The following MYOF variants were observed in gnomAD, a reference collection of about 807,000 sequenced individuals.
The protein encoded by MYOF is myoferlin, also known as fer-1-like 3, myoferlin.
In MYOF, 244 loss-of-function variants were observed where a neutral mutation model predicts 284.2. The ratio of observed to expected loss-of-function variants is 0.86; its 90% confidence interval spans 0.77 to 0.95. MYOF has a LOEUF of 0.95. Ranked by LOEUF, MYOF falls within the 40% of genes least tolerant of loss-of-function variation. The probability of loss-of-function intolerance (pLI) is 0.00; values close to 1 mark genes in which losing one functional copy is unlikely to be tolerated. For missense variants in MYOF, 2,496 were observed against 2,560.6 expected (o/e 0.97, Z 0.54); for synonymous variants, 904 against 919.7 (o/e 0.98, Z 0.31).
intron 19 of MYOF, among the ~76,000 whole-genome samples, chr10:93,383,489 A>G (rs779014037): frequency 6.6e-6 from 1 of 152,000 alleles, no homozygotes; most frequent in Non-Finnish European, 1.5e-5. Flanking sequence ...AGCTTAGTCC[A>G]CTGTCACCTT....
chr10:93,344,817 G>A (rs578103026), intron 37 of MYOF, among the ~76,000 whole-genome samples: 13 of 149,162 alleles, frequency 8.7e-5, no homozygotes, highest in Admixed American at 1.3e-4. Context: ...TGAGGTTGCA[G>A]TGGCTTATTC....
At chr10:93,361,702 A>G (rs747297084) in intron 27 of MYOF, 145 bp from the exon 28 acceptor site, 5 of 679,386 alleles carry the variant, frequency 7.4e-6, no homozygotes, top group Non-Finnish European at 1.2e-5. Context: ...ACTCAGAAAA[A>G]TCTCTAATCT....
chr10:93,436,648 C>T (rs1018822529), intron 3 of MYOF, among the ~76,000 whole-genome samples: 5 of 152,102 alleles, frequency 3.3e-5, no homozygotes, highest in Non-Finnish European at 7.3e-5. Context: ...TAAGTCTGAG[C>T]TCTGCAGTGA....
chr10:93,391,349 G>A (rs992579956), intron 17 of MYOF, among the ~76,000 whole-genome samples: 5 of 152,140 alleles, frequency 3.3e-5, no homozygotes, highest in African/African-American at 1.2e-4. Flanking sequence ...CCAGTACTTT[G>A]GGAGGCTGAG....
At chr10:93,440,261 A>G (rs1177369487) in intron 3 of MYOF, among the ~76,000 whole-genome samples, 1 of 152,128 alleles carries the variant, frequency 6.6e-6, no homozygotes, top group African/African-American at 2.4e-5. Flanking sequence ...AAAATAAAAA[A>G]ATTAGTCGGG....
chr10:93,370,146 C>T (rs1335939750), intron 24 of MYOF, among the ~76,000 whole-genome samples: 2 of 152,160 alleles, frequency 1.3e-5, no homozygotes, highest in South Asian at 2.1e-4. Flanking sequence ...GAATCAAGGC[C>T]GGATTGCCAA....
At chr10:93,383,020 C>A (rs1273352111) in intron 19 of MYOF, among the ~76,000 whole-genome samples, 1 of 152,106 alleles carries the variant, frequency 6.6e-6, no homozygotes, top group Admixed American at 6.5e-5. Context: ...CTCAGCCTCC[C>A]AAGTAGCTGG....
At chr10:93,390,191 T>C (rs1234727780) in intron 17 of MYOF, among the ~76,000 whole-genome samples, 1 of 152,154 alleles carries the variant, frequency 6.6e-6, no homozygotes, top group East Asian at 1.9e-4. Context: ...AGCAGCGTCA[T>C]CAGAATGATG....
At chr10:93,417,675 C>G (rs1034925079) in intron 5 of MYOF, among the ~76,000 whole-genome samples, 1 of 152,088 alleles carries the variant, frequency 6.6e-6, no homozygotes, top group Non-Finnish European at 1.5e-5. Context: ...ATTGTCCCCC[C>G]ACCTCCATCA....
chr10:93,473,634 C>G (rs2057198663), intron 1 of MYOF, among the ~76,000 whole-genome samples: 1 of 152,208 alleles, frequency 6.6e-6, no homozygotes, highest in Admixed American at 6.5e-5. Flanking sequence ...GATTCTGGCT[C>G]TTGTGAGGTC....
At chr10:93,376,305 G>A (rs891371680) in intron 22 of MYOF, among the ~76,000 whole-genome samples, 2 of 152,180 alleles carry the variant, frequency 1.3e-5, no homozygotes, top group African/African-American at 4.8e-5. Context: ...GAAGCTGTTA[G>A]TTCAAAAGTC....
At position 93,351,963 on chromosome 10, in the gene MYOF, T is replaced by A. The variant is rs1036748046; in HGVS notation, c.3482-117A>T. ...ATAATGACAGTGGGCTCTGACCACC[T>A]GCCTGGAGATAGGGTTTCTAGGGAG... On this transcript the variant is annotated intron_variant, in intron 32 of 53. Coordinates refer to ENST00000359263, the MANE Select transcript of MYOF (RefSeq NM_013451.4). 10 of 918,542 alleles carry A rather than the reference T, an allele frequency of 1.1e-5. No individual in the cohort carries two copies. In the Admixed American group the frequency reaches 1.9e-4, roughly 17 times the overall value. The allele number at this position is 918,542 out of a possible 1,614,324, so 56.9% of individuals were successfully genotyped here.
In MYOF at chr10:93,406,288, T is replaced by TTTTATATATATATATATATATATATATA. The variant is rs1271223936; in HGVS notation, c.730-2070_730-2069insTATATATATATATATATATATATATAAA. On this transcript the variant is annotated intron_variant, in intron 7 of 53. Transcript: ENST00000359263. ...TAGAAATTTTTTTAGTAAACCTCTTTTATATATATATATATATATATATAT... is the reference window on the plus strand; with the variant it reads ...TAGAAATTTTTTTAGTAAACCTCTTTTTTATATATATATATATATATATATATATATATATATATATATATATATATAT... 5.0e-4 allele frequency among the ~76,000 whole-genome samples: 29 copies of TTTTATATATATATATATATATATATATA among 58,144 alleles called. 1 individual carries two copies. Among genetic ancestry groups the TTTTATATATATATATATATATATATATA allele is most frequent in the Non-Finnish European group, 5.1e-4 (12 of 23,424 alleles). The allele number at this position is 58,144 out of a possible 152,430, so 38.1% of individuals were successfully genotyped here. A position where few individuals can be genotyped will look rare whatever the true frequency, so the allele number is the denominator to read the frequency against.
At chr10:93,475,329 C>T (rs372822112) in intron 1 of MYOF, among the ~76,000 whole-genome samples, 1 of 152,188 alleles carries the variant, frequency 6.6e-6, no homozygotes, top group East Asian at 1.9e-4. Context: ...CTATATACTA[C>T]GTTTCATGTA....
At chr10:93,328,554 G>A (rs771819097) in intron 45 of MYOF, among the ~76,000 whole-genome samples, 1 of 152,174 alleles carries the variant, frequency 6.6e-6, no homozygotes, top group African/African-American at 2.4e-5. Flanking sequence ...AATCTAAAAA[G>A]GGCAAGTGAA....
In MYOF at chr10:93,355,367, G is replaced by A. The variant is rs1460893188; in HGVS notation, c.3403+261C>T. Among the ~76,000 whole-genome samples, 9 of 152,230 alleles carry A rather than the reference G, an allele frequency of 5.9e-5. No individual in the cohort carries two copies. In the East Asian group the frequency reaches 1.7e-3, roughly 29 times the overall value. On this transcript the variant is annotated intron_variant, in intron 31 of 53. Transcript: ENST00000359263. ...CCAGCACTTTGGTAGGCCAAGGCGG[G>A]TGGATCACCTGAGGTCAGGAGGTCG...
At chr10:93,475,015 C>G (rs912253347) in intron 1 of MYOF, among the ~76,000 whole-genome samples, 1 of 152,174 alleles carries the variant, frequency 6.6e-6, no homozygotes, top group Non-Finnish European at 1.5e-5. Flanking sequence ...TCCCAAAGTA[C>G]TGGGATTACA....
rs553218643 is a variant in MYOF at position 93,456,973 on chromosome 10, T to C, written c.89-36A>G. 9.8e-6 allele frequency: 15 copies of C among 1,528,256 alleles called. No individual in the cohort carries two copies. The South Asian group carries it at 1.6e-4, about 17-fold the overall frequency. The allele number at this position is 1,528,256 out of a possible 1,614,324, so 94.7% of individuals were successfully genotyped here. A position where few individuals can be genotyped will look rare whatever the true frequency, so the allele number is the denominator to read the frequency against. On this transcript the variant is annotated intron_variant, in intron 1 of 53. Coordinates refer to ENST00000359263, the MANE Select transcript of MYOF (RefSeq NM_013451.4). Reference sequence around the variant, plus strand: ...GATAAAGGAAGAGACAGCAATCATTTATAAAAAAATTAAAGAGCGTGGGCC... The same window carrying C: ...GATAAAGGAAGAGACAGCAATCATTCATAAAAAAATTAAAGAGCGTGGGCC...
At chr10:93,320,107 G>A in intron 48 of MYOF, 94 bp from the exon 49 acceptor site, 1 of 1,429,414 alleles carries the variant, frequency 7.0e-7, no homozygotes, top group South Asian at 1.2e-5. Flanking sequence ...AAGAGCAGGA[G>A]AATTAATGCA....
Sources: allele counts gnomAD v4.1 joint callset (sites outside exome capture counted in the v4.1 genomes callset), GRCh38; gene constraint gnomAD v4.1.1; transcripts MANE v1.5; gene names NCBI Gene and HGNC (gene_info 2026-07-23, HGNC 2026-07-21).